GK: variants seen among roughly 807,000 people sequenced by gnomAD.
The protein encoded by GK is ATP:glycerol 3-phosphotransferase.
A neutral mutation model predicts 56.4 loss-of-function variants in GK; 9 were observed. The ratio of observed to expected loss-of-function variants is 0.16; its 90% CI spans 0.10 to 0.28. The LOEUF is 0.28. Ranked by LOEUF, GK falls within the 10% of genes least tolerant of loss-of-function variation. The pLI is 1.00. For missense variants in GK, 161 were observed against 431.4 expected (o/e 0.37, Z 5.55); for synonymous variants, 104 against 144.1 (o/e 0.72, Z 1.99).
chrX:30,723,472 C>T (rs1331650791), intron 18 of GK, among the ~76,000 whole-genome samples: 1 of 111,345 alleles, frequency 9.0e-6, no homozygotes, highest in Non-Finnish European at 1.9e-5. Context: ...TACCCTTTCC[C>T]CCCAAAAAGA....
chrX:30,677,842 G>GAA (rs775008797), intron 4 of GK, among the ~76,000 whole-genome samples: 2 of 96,092 alleles, frequency 2.1e-5, no homozygotes, highest in Non-Finnish European at 4.2e-5. Flanking sequence ...AAAAAAGAAA[G>GAA]AAAAAAAAAA....
chrX:30,664,161 G>GATATATAGATATATATATATCTTATATAT (rs1932914798), intron 1 of GK, among the ~76,000 whole-genome samples: 4 of 84,312 alleles, frequency 4.7e-5, no homozygotes, highest in African/African-American at 1.8e-4. Flanking sequence ...ATTTTATATA[G>GATATATAGATATATATATATCTTATATAT]ATATATAGAT....
At chrX:30,686,912 T>C (rs1342217622) in intron 4 of GK, among the ~76,000 whole-genome samples, 2 of 111,554 alleles carry the variant, frequency 1.8e-5, no homozygotes, top group Admixed American at 9.5e-5. Context: ...TCTAGTGTTC[T>C]GGACTCCCTA....
In GK at chrX:30,698,823, G is replaced by A. The variant is rs182434607; in HGVS notation, c.747+1074G>A. On this transcript the variant is annotated intron_variant, in intron 9 of 20. Coordinates refer to ENST00000427190, the MANE Select transcript of GK (RefSeq NM_001205019.2). ...GGAGGTTGTGGTGAGCCGAGATGGTGCCATTGCATGCCAGCCTGGGCAACA... is the reference window on the plus strand; with the variant it reads ...GGAGGTTGTGGTGAGCCGAGATGGTACCATTGCATGCCAGCCTGGGCAACA... Among the ~76,000 whole-genome samples the A allele has an allele frequency of 7.4e-4, 67 of 90,375 alleles. 2 individuals are homozygous for A. In the East Asian group the frequency reaches 0.018, roughly 24 times the overall value. The allele number at this position is 90,375 out of a possible 115,157, so 78.5% of individuals were successfully genotyped here.
intron 13 of GK, among the ~76,000 whole-genome samples, chrX:30,718,262 AAGAAGCAAACT>A (rs759469200): frequency 8.9e-6 from 1 of 112,301 alleles, no homozygotes; most frequent in East Asian, 2.8e-4. Context: ...AAAATTGTTC[AAGAAGCAAACT>A]GATCAAAGAT....
intron 9 of GK, among the ~76,000 whole-genome samples, chrX:30,699,769 A>G (rs1421912351): frequency 9.0e-6 from 1 of 111,403 alleles, no homozygotes; most frequent in Non-Finnish European, 1.9e-5. Context: ...ACAATCAGCC[A>G]CTTAAATCTC....
chrX:30,696,688 AAAAC>A lies in GK; in HGVS notation c.729+21_729+24del, dbSNP rs770869420. ...TCTGAGATCTATGGCCTAATGGTAA[AAAAC>A]AAACAAACAAACAAAAAACACACCA... On this transcript the variant is annotated splice_donor_region_variant and intron_variant, in intron 8 of 20. Coordinates refer to ENST00000427190, the MANE Select transcript of GK (RefSeq NM_001205019.2). The A allele has an allele frequency of 7.2e-5, 84 of 1,164,095 alleles. No homozygotes were observed. Among genetic ancestry groups the A allele is most frequent in the African/African-American group, 5.8e-4 (33 of 56,547 alleles).
intron 1 of GK, among the ~76,000 whole-genome samples, chrX:30,662,654 C>T (rs1272442520): frequency 9.0e-6 from 1 of 110,728 alleles, no homozygotes. Context: ...TGAATTCAGC[C>T]AGCAAAAAGG....
intron 16 of GK, among the ~76,000 whole-genome samples, 178 bp from the exon 17 acceptor site, chrX:30,720,443 T>G (rs1936841839): frequency 9.0e-6 from 1 of 111,279 alleles, no homozygotes; most frequent in African/African-American, 3.3e-5. Context: ...AGAGGTGTAG[T>G]GAGAGAAAAG....
chrX:30,691,161 CT>C lies in GK; in HGVS notation c.378del (p.Ser127ValfsTer26). The C allele has an allele frequency of 8.6e-7, 1 of 1,156,391 alleles. No individual in the cohort carries two copies. Among genetic ancestry groups the C allele is most frequent in the East Asian group, 3.0e-5 (1 of 33,541 alleles). The part of the protein sequence containing the change: ...DLRTQSTVES[L>X]SKRIPGNNNF... ...AAGAACCCAGTCTACCGTTGAGAGTCTTAGTAAAAGAATTCCAGGAAATAAT... is the reference window on the plus strand; with the variant it reads ...AAGAACCCAGTCTACCGTTGAGAGTCTAGTAAAAGAATTCCAGGAAATAAT... On this transcript the variant is annotated frameshift_variant, in exon 5 of 21. Transcript: ENST00000427190. LOFTEE classifies it high-confidence loss of function.
chrX:30,706,736 G>C (rs1001671209), intron 11 of GK, among the ~76,000 whole-genome samples: 1 of 111,846 alleles, frequency 8.9e-6, no homozygotes, highest in East Asian at 2.8e-4. Context: ...GATTATCAAA[G>C]GTAGACCTTA....
intron 18 of GK, among the ~76,000 whole-genome samples, chrX:30,723,067 A>G (rs1372953015): frequency 8.9e-6 from 1 of 112,212 alleles, no homozygotes; most frequent in East Asian, 2.8e-4. Flanking sequence ...AAATCTTATG[A>G]GAAATCAGTA....
chrX:30,686,797 A>C lies in GK; in HGVS notation c.338-4326A>C, dbSNP rs150242027. ...TATTTAATACAAATAAGTTCAGATC[A>C]TCCAAGTTATTTTTATTAACTTACT... On this transcript the variant is annotated intron_variant, in intron 4 of 20. Transcript: ENST00000427190. 9.2e-3 allele frequency among the ~76,000 whole-genome samples: 1,020 copies of C among 111,365 alleles called. 9 individuals are homozygous for C. Among genetic ancestry groups the C allele is most frequent in the African/African-American group, 0.031 (952 of 30,632 alleles).
In GK at chrX:30,655,892, C is replaced by T. The variant is rs781104428; in HGVS notation, c.78+2277C>T. On this transcript the variant is annotated intron_variant, in intron 1 of 20. Coordinates refer to ENST00000427190, the MANE Select transcript of GK (RefSeq NM_001205019.2). Reference sequence around the variant, plus strand: ...AACAACATGAGCCTTCAAAAATTGGCTCCTGTTTACTGGGTTCTGTGAGGC... The same window carrying T: ...AACAACATGAGCCTTCAAAAATTGGTTCCTGTTTACTGGGTTCTGTGAGGC... Among the ~76,000 whole-genome samples the T allele has an allele frequency of 3.5e-4, 39 of 112,172 alleles. 1 individual carries two copies. The highest frequency in any genetic ancestry group is 1.3e-3 in the African/African-American group (39 of 30,908).
intron 19 of GK, among the ~76,000 whole-genome samples, chrX:30,725,324 C>T (rs184607199): frequency 6.2e-5 from 7 of 112,056 alleles, no homozygotes; most frequent in East Asian, 2.8e-4. Context: ...TTTTCAGTCC[C>T]GGATGTTCCT....
At chrX:30,700,075 G>A (rs1295390073) in intron 9 of GK, 1 of 171,581 alleles carries the variant, frequency 5.8e-6, no homozygotes, top group Non-Finnish European at 1.1e-5. Flanking sequence ...CAATCACGTA[G>A]CCCAATCTCC....
At chrX:30,704,065 T>C (rs1429646165) in intron 11 of GK, among the ~76,000 whole-genome samples, 2 of 102,568 alleles carry the variant, frequency 1.9e-5, no homozygotes, top group Non-Finnish European at 3.9e-5. Context: ...AGGAGATATT[T>C]ACACAAGTAG....
chrX:30,672,828 A>G lies in GK; in HGVS notation c.260-4547A>G, dbSNP rs533823250. ...AAACTCTGTCTCAAAAAAAAAATGA[A>G]AATAAAAAGCTTTATCTCTCTTCCC... On this transcript the variant is annotated intron_variant, in intron 3 of 20. Coordinates refer to ENST00000427190, the MANE Select transcript of GK (RefSeq NM_001205019.2). 2.7e-5 allele frequency among the ~76,000 whole-genome samples: 3 copies of G among 111,795 alleles called. No individual in the cohort carries two copies. The South Asian group carries it at 1.1e-3, about 41-fold the overall frequency.
At chrX:30,674,399 C>T (rs1321601500) in intron 3 of GK, 2 of 329,869 alleles carry the variant, frequency 6.1e-6, no homozygotes, top group East Asian at 9.7e-5. Flanking sequence ...CTCCTGCCAA[C>T]TTTCCTTCAT....
Sources: gnomAD v4.1 joint callset for allele counts (sites outside exome capture counted in the v4.1 genomes callset) on GRCh38, gnomAD v4.1.1 for gene constraint, MANE v1.5 for transcripts, NCBI Gene and HGNC (gene_info 2026-07-23, HGNC 2026-07-21) for gene names.